The following ILRUN variants were observed in gnomAD, a reference collection of about 807,000 sequenced individuals.
ILRUN encodes the protein protein ILRUN.
A neutral mutation model predicts 33.8 loss-of-function variants in ILRUN; 3 were observed. The observed-to-expected ratio is 0.09, with a 90% CI of 0.04 to 0.23. The LOEUF is 0.23. Ranked by LOEUF, ILRUN falls within the 10% of genes least tolerant of loss-of-function variation. ILRUN has a pLI of 1.00. For missense variants in ILRUN, 210 were observed against 375.1 expected (o/e 0.56, Z 3.64); for synonymous variants, 124 against 138.9 (o/e 0.89, Z 0.75).
At chr6:34,614,431 T>TTA in intron 3 of ILRUN, among the ~76,000 whole-genome samples, 1 of 113,974 alleles carries the variant, frequency 8.8e-6, no homozygotes, top group African/African-American at 3.4e-5. Context: ...CAAAAAATAA[T>TTA]AAAAAAAAAA....
intron 3 of ILRUN, among the ~76,000 whole-genome samples, chr6:34,628,418 G>A (rs1247148868): frequency 2.0e-5 from 3 of 151,764 alleles, no homozygotes; most frequent in Non-Finnish European, 4.4e-5. Context: ...CCGCCTCCCA[G>A]GTTCACGCCA....
In ILRUN at chr6:34,696,436, G is replaced by C. The variant is rs549630397; in HGVS notation, c.158+10C>G. The C allele has an allele frequency of 5.9e-5, 92 of 1,552,282 alleles. No homozygotes were observed. The African/African-American group carries it at 9.8e-4, about 17-fold the overall frequency. On this transcript the variant is annotated intron_variant, in intron 1 of 4. Coordinates refer to ENST00000374023, the MANE Select transcript of ILRUN (RefSeq NM_024294.4). Reference sequence around the variant, plus strand: ...CCGCTGCCAGCGCTGGCACTGCGGGGCCGGCTCACCAGTTGGTCATGTCCA... The same window carrying C: ...CCGCTGCCAGCGCTGGCACTGCGGGCCCGGCTCACCAGTTGGTCATGTCCA...
At chr6:34,663,780 T>C (rs564577051) in intron 1 of ILRUN, among the ~76,000 whole-genome samples, 2 of 152,212 alleles carry the variant, frequency 1.3e-5, no homozygotes, top group Non-Finnish European at 2.9e-5. Context: ...AATATCATGT[T>C]TCAGAACATT....
chr6:34,632,358 G>A (rs1192739231), intron 3 of ILRUN, among the ~76,000 whole-genome samples: 10 of 151,952 alleles, frequency 6.6e-5, no homozygotes, highest in South Asian at 6.2e-4. Context: ...AGAGAATAGC[G>A]TGAACCTGGG....
chr6:34,656,602 C>G (rs1403085840), intron 1 of ILRUN, among the ~76,000 whole-genome samples: 1 of 152,224 alleles, frequency 6.6e-6, no homozygotes, highest in Non-Finnish European at 1.5e-5. Flanking sequence ...CATAAACCAA[C>G]GAATCCACTG....
chr6:34,617,722 C>T (rs1761927516), intron 3 of ILRUN, among the ~76,000 whole-genome samples: 1 of 152,198 alleles, frequency 6.6e-6, no homozygotes. Context: ...CATTCTCACT[C>T]CCTACCACCT....
At chr6:34,683,161 TG>T (rs1562032520) in intron 1 of ILRUN, among the ~76,000 whole-genome samples, 16 of 151,070 alleles carry the variant, frequency 1.1e-4, no homozygotes, top group African/African-American at 3.9e-4. Context: ...TACACACGTG[TG>T]TTTATGTGTA....
intron 3 of ILRUN, among the ~76,000 whole-genome samples, chr6:34,614,443 A>AAAAATATATATAT (rs71000073): frequency 1.0e-4 from 14 of 133,584 alleles, no homozygotes; most frequent in African/African-American, 4.0e-4. Context: ...AAAAAAAAAA[A>AAAAATATATATAT]ATATATATAT....
intron 1 of ILRUN, among the ~76,000 whole-genome samples, chr6:34,682,190 G>T (rs1395838887): frequency 6.8e-6 from 1 of 147,760 alleles, no homozygotes; most frequent in South Asian, 2.1e-4. Context: ...TTTAAGACAG[G>T]GTCTTGCTCT....
At chr6:34,635,664 C>T (rs1423412945) in intron 3 of ILRUN, among the ~76,000 whole-genome samples, 1 of 140,700 alleles carries the variant, frequency 7.1e-6, no homozygotes, top group African/African-American at 2.7e-5. Flanking sequence ...GCCCAGGCTA[C>T]AATGCAATGG....
At position 34,619,470 on chromosome 6, in the gene ILRUN, C is replaced by A. The variant is rs150401938; in HGVS notation, c.512-12566G>T. ...TCCTGGGCTCAAGTGATCCTCCCCC[C>A]TCAACCTCTTGAGTAGCTGGGACTA... is the stretch of plus-strand genomic sequence containing the variant. On this transcript the variant is annotated intron_variant, in intron 3 of 4. Transcript: ENST00000374023. Among the ~76,000 whole-genome samples the A allele has an allele frequency of 8.6e-3, 1,313 of 152,218 alleles. 9 individuals are homozygous for A. The highest frequency in any genetic ancestry group is 0.024 in the Middle Eastern group (7 of 294).
chr6:34,611,105 T>TTC lies in ILRUN; in HGVS notation c.512-4202_512-4201insGA, dbSNP rs1285725361. On this transcript the variant is annotated intron_variant, in intron 3 of 4. Transcript: ENST00000374023. ...TTTCTTTCTTTCTTTCTGATGTCTT[T>TTC]TTTTTTTTTTTTAATTAAATTTTTA... Among the ~76,000 whole-genome samples the TTC allele has an allele frequency of 3.5e-4, 53 of 149,718 alleles. 1 individual carries two copies. The highest frequency in any genetic ancestry group is 1.3e-3 in the African/African-American group (53 of 40,732).
chr6:34,659,517 T>C (rs1762844611), intron 1 of ILRUN, among the ~76,000 whole-genome samples: 1 of 152,186 alleles, frequency 6.6e-6, no homozygotes, highest in Non-Finnish European at 1.5e-5. Context: ...ATAAATGAAT[T>C]GTAACCCCCA....
chr6:34,664,407 G>T (rs1004848898), intron 1 of ILRUN, among the ~76,000 whole-genome samples: 9 of 152,118 alleles, frequency 5.9e-5, no homozygotes, highest in Non-Finnish European at 1.3e-4. Context: ...CTGGGTTCAA[G>T]GGTTCCTCTT....
At chr6:34,621,051 T>C (rs960242332) in intron 3 of ILRUN, among the ~76,000 whole-genome samples, 3 of 152,112 alleles carry the variant, frequency 2.0e-5, no homozygotes, top group African/African-American at 7.2e-5. Context: ...AAAATACATA[T>C]TCCTTAGCCA....
intron 1 of ILRUN, among the ~76,000 whole-genome samples, chr6:34,679,286 G>A (rs1316475974): frequency 2.6e-5 from 4 of 152,044 alleles, no homozygotes; most frequent in African/African-American, 7.2e-5. Context: ...GGTAATGGCA[G>A]AAATACAAAT....
At chr6:34,658,915 A>G (rs1226089644) in intron 1 of ILRUN, among the ~76,000 whole-genome samples, 1 of 152,250 alleles carries the variant, frequency 6.6e-6, no homozygotes, top group Non-Finnish European at 1.5e-5. Context: ...TGCAAAACTG[A>G]GTTGATACTA....
chr6:34,638,625 A>T (rs1762412441), intron 3 of ILRUN, among the ~76,000 whole-genome samples: 1 of 151,960 alleles, frequency 6.6e-6, no homozygotes, highest in Non-Finnish European at 1.5e-5. Flanking sequence ...GGATTGCTTG[A>T]GCCTAGGAGG....
intron 3 of ILRUN, among the ~76,000 whole-genome samples, chr6:34,635,254 G>A (rs975464221): frequency 6.6e-6 from 1 of 152,124 alleles, no homozygotes; most frequent in Admixed American, 6.5e-5. Context: ...ATCTGGCTGG[G>A]CACAGTGGCT....
Sources: allele counts gnomAD v4.1 joint callset (sites outside exome capture counted in the v4.1 genomes callset), GRCh38; gene constraint gnomAD v4.1.1; transcripts MANE v1.5; gene names NCBI Gene and HGNC (gene_info 2026-07-23, HGNC 2026-07-21).